Variants in KRT28 observed in about 807,000 individuals in gnomAD.
KRT28 encodes the protein keratin, type I cytoskeletal 28.
Under a neutral mutation model 48.1 loss-of-function variants are expected in KRT28, and 45 were observed. That is an observed-to-expected ratio of 0.94 (90% CI 0.74 to 1.20). KRT28 has a LOEUF of 1.20. KRT28 is among the 50% of genes most tolerant of loss of function. The pLI is 0.00. For synonymous variants in KRT28, 228 were observed against 227.4 expected (o/e 1.00, Z -0.03); for missense variants, 571 against 574.1 (o/e 0.99, Z 0.06).
Position 40,799,663 on chromosome 17 carries a change from G to A in KRT28, c.231C>T (p.Ser77=), listed in dbSNP as rs746514616. Residue 77 remains serine (S), a synonymous_variant, in exon 1 of 8, where the codon AGC becomes AGT. Transcript: ENST00000306658. ...CATTTCCAGAGAGGAGTCCCCCTTC[G>A]CTTCCAGCAAAGCCAATACAAGCAG... ...GNAACIGFAG[S]EGGLLSGNEK... The A allele has an allele frequency of 4.2e-5, 68 of 1,613,790 alleles. No homozygotes were observed. The highest frequency in any genetic ancestry group is 5.1e-5 in the Non-Finnish European group (60 of 1,179,982).
chr17:40,793,331 A>G, intron 6 of KRT28, 121 bp from the exon 7 acceptor site: 1 of 559,480 alleles, frequency 1.8e-6, no homozygotes. Context: ...TATAGAGGAA[A>G]CTCTTAAGAT....
At chr17:40,797,957 C>A (rs1451366014) in intron 3 of KRT28, among the ~76,000 whole-genome samples, 1 of 152,120 alleles carries the variant, frequency 6.6e-6, no homozygotes, top group African/African-American at 2.4e-5. Context: ...ATCCTGAAAT[C>A]CTGGCCCTCA....
At position 40,799,698 on chromosome 17, in the gene KRT28, G is replaced by A. The variant is rs769529576; in HGVS notation, c.196C>T (p.Leu66Phe). The change falls in exon 1 of 8, where the codon CTT becomes TTT. Residue 66 changes from leucine to phenylalanine, a missense_variant. Leu to Phe is a conservative substitution (Grantham distance 22). Coordinates refer to ENST00000306658, the MANE Select transcript of KRT28 (RefSeq NM_181535.3). ...AAGCCAATACAAGCAGCATTTCCAA[G>A]GGCACCACCAGCATGGCTCCCACCA... Reference protein sequence around the residue: ...VPGGSHAGGALGNAACIGFAG... With the variant: ...VPGGSHAGGAFGNAACIGFAG... 1.2e-6 allele frequency: 2 copies of A among 1,613,958 alleles called. No individual in the cohort carries two copies. The highest frequency in any genetic ancestry group is 2.2e-5 in the South Asian group (2 of 91,056).
Position 40,793,213 on chromosome 17 carries a change from G to A in KRT28, c.1197-3C>T, listed in dbSNP as rs1904532008. The stretch of plus-strand genomic sequence containing the variant: ...AGCCCTTTGATTTGGAGCATGAACT[G>A]TAAAAGAAATATAGTTTATTCTTTT... On this transcript the variant is annotated splice_region_variant and splice_polypyrimidine_tract_variant and intron_variant, in intron 6 of 7. Transcript: ENST00000306658. 2 of 1,529,150 alleles carry A rather than the reference G, an allele frequency of 1.3e-6. No homozygotes were observed. Among genetic ancestry groups the A allele is most frequent in the African/African-American group, 1.4e-5 (1 of 70,392 alleles). 94.7% of individuals were successfully genotyped at this position (1,529,150 alleles called of 1,614,324 possible).
chr17:40,792,687 A>G (rs185184571), intron 7 of KRT28, 118 bp from the exon 8 acceptor site: 294 of 739,024 alleles, frequency 4.0e-4, no homozygotes, highest in Non-Finnish European at 5.6e-4. Context: ...GTATATATTT[A>G]TAATAATAGC....
At position 40,798,315 on chromosome 17, in the gene KRT28, T is replaced by C; in HGVS notation, c.610A>G (p.Thr204Ala). 6.2e-7 allele frequency: 1 copy of C among 1,613,680 alleles called. No homozygotes were observed. The highest frequency in any genetic ancestry group is 8.5e-7 in the Non-Finnish European group (1 of 1,179,732). ...AGCTCCTGGTCGGTCCTGCAGAGCG[T>C]CAGCTCGTCCAGGACTCGCCGTAAT... ...NGLRRVLDELTLCRTDQELQY... is the reference protein window; with the variant it reads ...NGLRRVLDELALCRTDQELQY... Residue 204 changes from threonine (T) to alanine (A), a missense_variant, in exon 3 of 8, where the codon ACG becomes GCG. Physicochemically the swap from Thr to Ala is moderately conservative, Grantham distance 58 (BLOSUM62 0). Coordinates refer to ENST00000306658, the MANE Select transcript of KRT28 (RefSeq NM_181535.3).
intron 5 of KRT28, among the ~76,000 whole-genome samples, chr17:40,796,650 T>C (rs73299514): frequency 0.098 from 14,890 of 152,216 alleles, 820 homozygotes; most frequent in Middle Eastern, 0.21. Context: ...TGAATTACCC[T>C]GAGAAAGGAT....
chr17:40,797,108 G>A lies in KRT28; in HGVS notation c.852+12C>T, dbSNP rs901346203. ...CGGGGAGGTGTGAGCAGGGAGACGG[G>A]GCCCACCTCACCTTCTCATTGAACC... On this transcript the variant is annotated intron_variant, in intron 4 of 7. Transcript: ENST00000306658. 1.2e-6 allele frequency: 2 copies of A among 1,613,068 alleles called. No homozygotes were observed. Among genetic ancestry groups the A allele is most frequent in the Non-Finnish European group, 1.7e-6 (2 of 1,179,436 alleles).
At position 40,799,773 on chromosome 17, in the gene KRT28, C is replaced by A. The variant is rs1904720703; in HGVS notation, c.121G>T (p.Ala41Ser). The A allele has an allele frequency of 8.1e-6, 13 of 1,613,982 alleles. No individual in the cohort carries two copies. Among genetic ancestry groups the A allele is most frequent in the Non-Finnish European group, 1.0e-5 (12 of 1,180,032 alleles). ...AAGGCACAGGAAAATTCACTTCCAG[C>A]AACAGAGCCACCACATGCACTGCTG... ...AGSSACGGSV[A>S]GSEFSCALGG... The change falls in exon 1 of 8, where the codon GCT becomes TCT. Residue 41 changes from alanine to serine, a missense_variant. Ala to Ser is a moderately conservative substitution (Grantham distance 99). Transcript: ENST00000306658.
chr17:40,793,086 C>A, intron 7 of KRT28, 69 bp downstream of exon 7: 2 of 1,027,368 alleles, frequency 1.9e-6, no homozygotes, highest in Non-Finnish European at 2.9e-6. Flanking sequence ...GGCAACAGAG[C>A]GAGACTCTGT....
chr17:40,798,930 C>A lies in KRT28; in HGVS notation c.520G>T (p.Asp174Tyr), dbSNP rs552617156. ...QIDNARLAAD[D>Y]FRLKYENELT... ...TCTGTCACTTACTTTAGCCTGAAAT[C>A]ATCAGCAGCCAGTCTGGCATTATCA... Residue 174 changes from aspartate (D) to tyrosine (Y), a missense_variant, in exon 2 of 8, where the codon GAT (aspartate) becomes TAT (tyrosine). By Grantham distance (160) the Asp-to-Tyr change is radical. Coordinates refer to ENST00000306658, the MANE Select transcript of KRT28 (RefSeq NM_181535.3). The A allele has an allele frequency of 3.1e-6, 5 of 1,603,822 alleles. No individual in the cohort carries two copies. In the African/African-American group the frequency reaches 6.7e-5, roughly 21 times the overall value.
chr17:40,792,439 C>T lies in KRT28; in HGVS notation c.1383G>A (p.Arg461=), dbSNP rs1904513456. 6.2e-7 allele frequency: 1 copy of T among 1,610,692 alleles called. No individual in the cohort carries two copies. The change falls in exon 8 of 8, where the codon AGG becomes AGA. Residue 461 remains arginine, a synonymous_variant. Coordinates refer to ENST00000306658, the MANE Select transcript of KRT28 (RefSeq NM_181535.3). ...TCTAAAATGACAGCTAGAAAGGAAC[C>T]CTTTGTTCTGTCTTGCCGTTGGTCA... The part of the protein sequence containing the change: ...SKMTNGKTEQ[R]VPF
Position 40,793,197 on chromosome 17 carries a change from A to T in KRT28, c.1210T>A (p.Ser404Thr). The T allele has an allele frequency of 6.4e-7, 1 of 1,562,364 alleles. No homozygotes were observed. The highest frequency in any genetic ancestry group is 2.3e-5 in the East Asian group (1 of 43,014). Reference sequence around the variant, plus strand: ...GGGCTTCCTGATCCAAAGCCCTTTGATTTGGAGCATGAACTGTAAAAGAAA... The same window carrying T: ...GGGCTTCCTGATCCAAAGCCCTTTGTTTTGGAGCATGAACTGTAAAAGAAA... Reference protein sequence around the residue: ...IDGDGNSCSKSKGFGSGSPGN... With the variant: ...IDGDGNSCSKTKGFGSGSPGN... The change falls in exon 7 of 8, where the codon TCA (serine) becomes ACA (threonine). Residue 404 changes from serine (S) to threonine (T), a missense_variant. By Grantham distance (58) the Ser-to-Thr change is moderately conservative (BLOSUM62 1). Transcript: ENST00000306658.
At chr17:40,798,500 T>C (rs571387316) in intron 2 of KRT28, 109 bp from the exon 3 acceptor site, 3 of 1,174,684 alleles carry the variant, frequency 2.6e-6, no homozygotes, top group Admixed American at 2.3e-5. Context: ...ATTAGGACTG[T>C]AAATAGTATA....
chr17:40,793,646 G>C (rs1904542544), intron 6 of KRT28, among the ~76,000 whole-genome samples, 183 bp downstream of exon 6: 1 of 152,008 alleles, frequency 6.6e-6, no homozygotes, highest in South Asian at 2.1e-4. Flanking sequence ...CTAATGCAGA[G>C]GAGAACACTG....
At chr17:40,797,302 G>A (rs1487588810) in intron 3 of KRT28, 21 bp from the exon 4 acceptor site, 2 of 1,604,636 alleles carry the variant, frequency 1.2e-6, no homozygotes, top group South Asian at 2.2e-5. Flanking sequence ...GCAAGAGTGT[G>A]GCTTTAGGGG....
At chr17:40,792,742 T>C (rs1290712299) in intron 7 of KRT28, among the ~76,000 whole-genome samples, 173 bp from the exon 8 acceptor site, 1 of 152,248 alleles carries the variant, frequency 6.6e-6, no homozygotes, top group Non-Finnish European at 1.5e-5. Context: ...CAGAACAGTT[T>C]AGCTAAAACT....
At position 40,799,495 on chromosome 17, in the gene KRT28, A is replaced by G. The variant is rs78372594; in HGVS notation, c.399T>C (p.Leu133=). ...EKYGPGSCRG[L]DHDYSRYHLT... ...GGTGATATCTGCTATAGTCATGATC[A>G]AGTCCACGGCAAGATCCAGGTCCGT... is the stretch of plus-strand genomic sequence containing the variant. Residue 133 remains leucine, a synonymous_variant, in exon 1 of 8, where the codon CTT becomes CTC. Coordinates refer to ENST00000306658, the MANE Select transcript of KRT28 (RefSeq NM_181535.3). 2.2e-3 allele frequency: 3,575 copies of G among 1,614,126 alleles called. 81 individuals carry two copies. The African/African-American group carries it at 0.042, about 19-fold the overall frequency.
rs746208773 is a variant in KRT28, at chr17:40,793,991, A to G, written c.1034T>C (p.Leu345Pro). 1 of 1,613,822 alleles carries G rather than the reference A, an allele frequency of 6.2e-7. No homozygotes were observed. The highest frequency in any genetic ancestry group is 8.5e-7 in the Non-Finnish European group (1 of 1,179,866). Residue 345 changes from leucine (L) to proline (P), a missense_variant, in exon 6 of 8, where the codon CTG (leucine) becomes CCG (proline). Physicochemically the swap from Leu to Pro is moderately conservative, Grantham distance 98. Transcript: ENST00000306658. The stretch of plus-strand genomic sequence containing the variant: ...CCCGATCTGAGCCTGGATCTGCGCC[A>G]GCTGCGTACAGTAGTTGCTCTCGGT... ...TETESNYCTQLAQIQAQIGAL... is the reference protein window; with the variant it reads ...TETESNYCTQPAQIQAQIGAL...
Sources: gnomAD v4.1 joint callset for allele counts (sites outside exome capture counted in the v4.1 genomes callset) on GRCh38, gnomAD v4.1.1 for gene constraint, MANE v1.5 for transcripts, NCBI Gene and HGNC (gene_info 2026-07-23, HGNC 2026-07-21) for gene names.